COG6: variants seen among roughly 807,000 people sequenced by gnomAD.
COG6 encodes the protein component of oligomeric golgi complex 6.
A neutral mutation model predicts 88.8 loss-of-function variants in COG6; 74 were observed. The ratio of observed to expected loss-of-function variants is 0.83; its 90% CI spans 0.69 to 1.01. The LOEUF is 1.01. COG6 is among the 50% of genes least tolerant of loss of function. COG6 has a pLI of 0.00. For missense variants in COG6, 800 were observed against 797.9 expected (o/e 1.00, Z -0.03); for synonymous variants, 286 against 278.7 (o/e 1.03, Z -0.26).
intron 18 of COG6, among the ~76,000 whole-genome samples, chr13:39,770,858 T>C (rs1881299990): frequency 6.6e-6 from 1 of 152,240 alleles, no homozygotes; most frequent in South Asian, 2.1e-4. Context: ...AGCTGAAGCG[T>C]GTAGTTACCG....
chr13:39,724,009 T>C (rs1878993439), intron 16 of COG6, among the ~76,000 whole-genome samples: 1 of 152,002 alleles, frequency 6.6e-6, no homozygotes, highest in African/African-American at 2.4e-5. Flanking sequence ...GCCATCTTTC[T>C]TAAGAAAGCA....
chr13:39,657,285 C>T (rs1168880059), intron 1 of COG6, among the ~76,000 whole-genome samples: 1 of 152,230 alleles, frequency 6.6e-6, no homozygotes, highest in African/African-American at 2.4e-5. Context: ...CCCGCCTCAG[C>T]CTCCCAAAGT....
chr13:39,686,364 C>T (rs908061048), intron 8 of COG6, among the ~76,000 whole-genome samples: 1 of 152,096 alleles, frequency 6.6e-6, no homozygotes, highest in Non-Finnish European at 1.5e-5. Flanking sequence ...AAGGCTGAGT[C>T]AAGTCAAAGA....
At chr13:39,716,216 A>G (rs957373791) in intron 13 of COG6, among the ~76,000 whole-genome samples, 1 of 151,748 alleles carries the variant, frequency 6.6e-6, no homozygotes, top group Admixed American at 6.6e-5. Context: ...TTCTTGATGG[A>G]TTGACCCTTT....
intron 15 of COG6, among the ~76,000 whole-genome samples, chr13:39,722,180 CT>C (rs1267317371): frequency 6.6e-6 from 1 of 151,866 alleles, no homozygotes; most frequent in Admixed American, 6.6e-5. Flanking sequence ...TTTCAGACCG[CT>C]GATTTGATGC....
chr13:39,699,421 C>T (rs563410326), intron 12 of COG6, 80 bp from the exon 13 acceptor site: 1 of 723,510 alleles, frequency 1.4e-6, no homozygotes, highest in South Asian at 1.6e-5. Context: ...AATCTAGATC[C>T]TTTTAAAGCA....
chr13:39,745,760 G>A (rs932682795), intron 18 of COG6, among the ~76,000 whole-genome samples: 2 of 152,128 alleles, frequency 1.3e-5, no homozygotes, highest in South Asian at 2.1e-4. Context: ...TATAAATCAT[G>A]CTACTATAAA....
chr13:39,776,063 C>G (rs1475731665), intron 18 of COG6, among the ~76,000 whole-genome samples: 1 of 152,084 alleles, frequency 6.6e-6, no homozygotes, highest in South Asian at 2.1e-4. Flanking sequence ...GCCACTGCAC[C>G]CGGTCGAAAG....
At position 39,703,896 on chromosome 13, in the gene COG6, TA is replaced by T. The variant is rs201225016; in HGVS notation, c.1284+4281del. On this transcript the variant is annotated intron_variant, in intron 13 of 18. Transcript: ENST00000455146. ...TGCATGCCACCATGCCCAGCTAATT[TA>T]AATTTTTTTTTTTTTCTGTAGAGAC... 1.8e-4 allele frequency among the ~76,000 whole-genome samples: 27 copies of T among 151,236 alleles called. 1 individual carries two copies. Among genetic ancestry groups the T allele is most frequent in the Non-Finnish European group, 2.5e-4 (17 of 67,752 alleles).
intron 4 of COG6, among the ~76,000 whole-genome samples, chr13:39,671,091 A>G (rs1031989810): frequency 6.6e-6 from 1 of 152,030 alleles, no homozygotes; most frequent in African/African-American, 2.4e-5. Context: ...ATTGCCAGTG[A>G]CATGCAGGAG....
Position 39,657,068 on chromosome 13 carries a change from T to C in COG6, c.153+1189T>C, listed in dbSNP as rs1051407989. Among the ~76,000 whole-genome samples, 8 of 152,336 alleles carry C rather than the reference T, an allele frequency of 5.3e-5. No individual in the cohort carries two copies. In the East Asian group the frequency reaches 1.3e-3, roughly 26 times the overall value. On this transcript the variant is annotated intron_variant, in intron 1 of 18. Transcript: ENST00000455146. ...TTTTTTGGACAGAGTTTTGCTCTTT[T>C]TGCCCAAGCTGGAGTGCAATGGGCG...
chr13:39,728,708 C>T (rs1344730156), intron 18 of COG6, among the ~76,000 whole-genome samples: 8 of 151,394 alleles, frequency 5.3e-5, no homozygotes, highest in South Asian at 4.2e-4. Context: ...CTTGCTCTTT[C>T]TCCCAGGCTA....
At chr13:39,678,816 T>C (rs1051040087) in intron 5 of COG6, among the ~76,000 whole-genome samples, 2 of 152,080 alleles carry the variant, frequency 1.3e-5, no homozygotes, top group Non-Finnish European at 2.9e-5. Flanking sequence ...AATAGAGATA[T>C]TATGTATTAG....
intron 18 of COG6, among the ~76,000 whole-genome samples, chr13:39,744,712 A>G (rs1880241765): frequency 6.6e-6 from 1 of 152,204 alleles, no homozygotes; most frequent in African/African-American, 2.4e-5. Flanking sequence ...TGCCATCCCC[A>G]TCAAGGTACC....
chr13:39,694,284 C>CTT (rs1034920522), intron 11 of COG6, among the ~76,000 whole-genome samples: 4 of 151,786 alleles, frequency 2.6e-5, no homozygotes, highest in Non-Finnish European at 5.9e-5. Flanking sequence ...CATTGATAAT[C>CTT]TGTTTTAGGG....
At chr13:39,772,138 T>G (rs999968223) in intron 18 of COG6, among the ~76,000 whole-genome samples, 3 of 152,168 alleles carry the variant, frequency 2.0e-5, no homozygotes, top group Non-Finnish European at 4.4e-5. Flanking sequence ...GGAAGATATG[T>G]GTTCTCTGAA....
intron 4 of COG6, among the ~76,000 whole-genome samples, chr13:39,671,010 G>A (rs1227823021): frequency 2.6e-5 from 4 of 151,934 alleles, no homozygotes; most frequent in African/African-American, 9.7e-5. Flanking sequence ...GGAAAACAGG[G>A]GAGCATCACA....
At chr13:39,708,081 T>C (rs918774043) in intron 13 of COG6, among the ~76,000 whole-genome samples, 2 of 152,122 alleles carry the variant, frequency 1.3e-5, no homozygotes, top group Non-Finnish European at 2.9e-5. Context: ...TTGTAGAAAG[T>C]GTGTGGTGGT....
chr13:39,781,713 C>T (rs1215337331), intron 18 of COG6, among the ~76,000 whole-genome samples: 1 of 152,138 alleles, frequency 6.6e-6, no homozygotes, highest in Non-Finnish European at 1.5e-5. Flanking sequence ...TATGTATGCA[C>T]TAGACACATT....
Sources: allele counts gnomAD v4.1 joint callset (sites outside exome capture counted in the v4.1 genomes callset), GRCh38; gene constraint gnomAD v4.1.1; transcripts MANE v1.5; gene names NCBI Gene and HGNC (gene_info 2026-07-23, HGNC 2026-07-21).